ST6GALNAC2: variants seen among roughly 807,000 people sequenced by gnomAD.
The protein encoded by ST6GALNAC2 is ST6 N-acetylgalactosaminide alpha-2,6-sialyltransferase 2.
A neutral mutation model predicts 38.7 loss-of-function variants in ST6GALNAC2; 42 were observed. The observed-to-expected ratio is 1.09, with a 90% confidence interval of 0.85 to 1.40. ST6GALNAC2 has a LOEUF of 1.40. ST6GALNAC2 is among the 40% of genes most tolerant of loss of function. The pLI is 0.00. For missense variants in ST6GALNAC2, 506 were observed against 481.7 expected, an observed-to-expected ratio of 1.05 and a Z score of -0.47; for synonymous variants, 233 against 209.0, an observed-to-expected ratio of 1.11 and a Z score of -0.99.
intron 2 of ST6GALNAC2, among the ~76,000 whole-genome samples, chr17:76,576,845 C>G (rs1474905868): frequency 2.0e-5 from 3 of 151,634 alleles, no homozygotes; most frequent in Non-Finnish European, 4.4e-5. Context: ...TGGCACATCC[C>G]TGTAATTCCA....
At chr17:76,567,655 C>T (rs1248765612) in intron 7 of ST6GALNAC2, 103 bp from the exon 8 acceptor site, 4 of 730,734 alleles carry the variant, frequency 5.5e-6, no homozygotes, top group African/African-American at 5.2e-5. Flanking sequence ...AACTGAGGGC[C>T]TTCTACTCCA....
Position 76,572,745 on chromosome 17 carries a change from C to T in ST6GALNAC2, c.561G>A (p.Glu187=), listed in dbSNP as rs371126021. 42 of 1,614,202 alleles carry T rather than the reference C, an allele frequency of 2.6e-5. No individual in the cohort carries two copies. The African/African-American group carries it at 5.5e-4, about 21-fold the overall frequency. Residue 187 remains glutamate, a synonymous_variant, in exon 5 of 9, where the codon GAG becomes GAA. Coordinates refer to ENST00000225276, the MANE Select transcript of ST6GALNAC2 (RefSeq NM_006456.3). ...AGGAAGTCTTGGTGCCCACATCGCG[C>T]TCGAAGCCTTTGATCACAGCTCCAT... ...RLNGAVIKGF[E]RDVGTKTSFY... is the part of the protein sequence containing the mutation.
rs2075389922 is a variant in ST6GALNAC2, at chr17:76,574,468, G to A, written c.258C>T (p.Leu86=). 1.2e-6 allele frequency: 2 copies of A among 1,613,888 alleles called. No individual in the cohort carries two copies. Among genetic ancestry groups the A allele is most frequent in the Non-Finnish European group, 1.7e-6 (2 of 1,179,956 alleles). The change falls in exon 3 of 9, where the codon CTC becomes CTT. Residue 86 remains leucine, a synonymous_variant. Coordinates refer to ENST00000225276, the MANE Select transcript of ST6GALNAC2 (RefSeq NM_006456.3). ...RHPHFRGLFN[L]SIPVLLWGDL... is the part of the protein sequence containing the mutation. ...CCCCCCACAGCAGCACTGGAATGGA[G>A]AGATTGAACAGGCCACGGAAGTGGG...
At position 76,568,711 on chromosome 17, in the gene ST6GALNAC2, A is replaced by G. The variant is rs2075314741; in HGVS notation, c.857+2T>C. On this transcript the variant is annotated splice_donor_variant, in intron 7 of 8. Transcript: ENST00000225276. LOFTEE classifies it high-confidence loss of function. The stretch of plus-strand genomic sequence containing the variant: ...CTGTTCTTCAGGCACCCCACTCCGT[A>G]CCTTTCTGTCAGGTAGCTGATGAAG... 1.9e-6 allele frequency: 3 copies of G among 1,613,624 alleles called. No individual in the cohort carries two copies. The highest frequency in any genetic ancestry group is 2.5e-6 in the Non-Finnish European group (3 of 1,179,936).
At position 76,566,445 on chromosome 17, in the gene ST6GALNAC2, C is replaced by T. The variant is rs112690167; in HGVS notation, c.958-174G>A. ...TGGATTCAGGGGTGACTCACTGTGT[C>T]CCCACTTGGCATAGCTGGTGATTGC... On this transcript the variant is annotated intron_variant, in intron 8 of 8. Transcript: ENST00000225276. Among the ~76,000 whole-genome samples the T allele has an allele frequency of 7.5e-4, 114 of 152,234 alleles. 2 individuals are homozygous for T. The highest frequency in any genetic ancestry group is 2.6e-3 in the African/African-American group (109 of 41,542).
rs2075366863 is a variant in ST6GALNAC2, at chr17:76,572,738, C to T, written c.568G>A (p.Val190Met). ...CCATAGAAGGAAGTCTTGGTGCCCA[C>T]ATCGCGCTCGAAGCCTTTGATCACA... ...GAVIKGFERD[V>M]GTKTSFYGFT... The change falls in exon 5 of 9, where the codon GTG (valine) becomes ATG (methionine). Residue 190 changes from valine to methionine, a missense_variant. Physicochemically the swap from Val to Met is conservative, Grantham distance 21. Transcript: ENST00000225276. 1.2e-6 allele frequency: 2 copies of T among 1,614,096 alleles called. No homozygotes were observed. Among genetic ancestry groups the T allele is most frequent in the African/African-American group, 2.7e-5 (2 of 74,946 alleles).
chr17:76,577,612 G>A (rs796687319), intron 2 of ST6GALNAC2, among the ~76,000 whole-genome samples: 18 of 133,858 alleles, frequency 1.3e-4, no homozygotes, highest in African/African-American at 5.2e-4. Flanking sequence ...GTTTCGCTCT[G>A]TCACTCACGG....
chr17:76,567,713 G>A (rs565443466), intron 7 of ST6GALNAC2, 161 bp from the exon 8 acceptor site: 40 of 564,188 alleles, frequency 7.1e-5, no homozygotes, highest in African/African-American at 6.4e-4. Context: ...AGATCTTTGA[G>A]ACCTTAGGTA....
chr17:76,576,822 TA>T (rs1233067208), intron 2 of ST6GALNAC2, among the ~76,000 whole-genome samples: 8 of 151,718 alleles, frequency 5.3e-5, no homozygotes, highest in Non-Finnish European at 1.0e-4. Flanking sequence ...AATACAAAAT[TA>T]GCCTGGTGTG....
intron 6 of ST6GALNAC2, chr17:76,569,771 C>CGG (rs3837795): frequency 4.7e-6 from 1 of 212,034 alleles, no homozygotes; most frequent in Non-Finnish European, 9.0e-6. Flanking sequence ...AATCACCAAG[C>CGG]GGGGGTGGGG....
rs1452305034 is a variant in ST6GALNAC2, at chr17:76,566,067, C to CA, written c.*36dup. On this transcript the variant is annotated 3_prime_UTR_variant, in exon 9 of 9. Coordinates refer to ENST00000225276, the MANE Select transcript of ST6GALNAC2 (RefSeq NM_006456.3). ...TGGCCACTTGAGAGGATCAGGGCCG[C>CA]AACTCTTGAAGAAGCAAAGGGCTCA... is the stretch of plus-strand genomic sequence containing the variant. The CA allele has an allele frequency of 8.8e-6, 14 of 1,587,892 alleles. No individual in the cohort carries two copies. The highest frequency in any genetic ancestry group is 1.4e-5 in the African/African-American group (1 of 73,644).
chr17:76,575,811 A>G (rs554045806), intron 2 of ST6GALNAC2, among the ~76,000 whole-genome samples: 4 of 152,342 alleles, frequency 2.6e-5, no homozygotes, highest in Non-Finnish European at 4.4e-5. Flanking sequence ...TGGGCCTTCT[A>G]TTACTCCTGA....
chr17:76,581,314 T>C (rs1170049873), intron 1 of ST6GALNAC2, among the ~76,000 whole-genome samples: 1 of 151,964 alleles, frequency 6.6e-6, no homozygotes, highest in Non-Finnish European at 1.5e-5. Flanking sequence ...AGGACGGTGG[T>C]GCTCAGCCTA....
At position 76,573,788 on chromosome 17, in the gene ST6GALNAC2, C is replaced by T. The variant is rs373387443; in HGVS notation, c.362-425G>A. Among the ~76,000 whole-genome samples the T allele has an allele frequency of 3.0e-4, 45 of 152,106 alleles. No individual in the cohort carries two copies. The East Asian group carries it at 7.7e-3, about 26-fold the overall frequency. On this transcript the variant is annotated intron_variant, in intron 3 of 8. Coordinates refer to ENST00000225276, the MANE Select transcript of ST6GALNAC2 (RefSeq NM_006456.3). This position sits in a 1 kb window ranked among gnomAD's most constrained non-coding sequence, Gnocchi z 5.1. ...ATTAAAAATACAAAAATTAGCCAGG[C>T]GTGGTGGTGCGTGCCTAATCCCAGC...
rs527919778 is a variant in ST6GALNAC2, at chr17:76,566,067, C to G, written c.*37G>C. The stretch of plus-strand genomic sequence containing the variant: ...TGGCCACTTGAGAGGATCAGGGCCG[C>G]AACTCTTGAAGAAGCAAAGGGCTCA... On this transcript the variant is annotated 3_prime_UTR_variant, in exon 9 of 9. Transcript: ENST00000225276. 4.8e-5 allele frequency: 77 copies of G among 1,588,008 alleles called. No homozygotes were observed. The South Asian group carries it at 8.3e-4, about 17-fold the overall frequency.
Position 76,569,275 on chromosome 17 carries a change from C to G in ST6GALNAC2, c.774-479G>C, listed in dbSNP as rs528497841. On this transcript the variant is annotated intron_variant, in intron 6 of 8. Coordinates refer to ENST00000225276, the MANE Select transcript of ST6GALNAC2 (RefSeq NM_006456.3). ...ATAGGACGGGATGTTCTGAATTGGC[C>G]CGATATAGGAAGATGAGGTGGCAGG... The G allele has an allele frequency of 2.2e-5, 8 of 367,290 alleles. No homozygotes were observed. The East Asian group carries it at 3.0e-4, about 14-fold the overall frequency. 22.8% of individuals were successfully genotyped at this position (367,290 alleles called of 1,614,324 possible). A position where few individuals can be genotyped will look rare whatever the true frequency, so the allele number is the denominator to read the frequency against.
At position 76,573,407 on chromosome 17, in the gene ST6GALNAC2, G is replaced by T; in HGVS notation, c.362-44C>A. On this transcript the variant is annotated intron_variant, in intron 3 of 8. Transcript: ENST00000225276. This position sits in a 1 kb window ranked among gnomAD's most constrained non-coding sequence, Gnocchi z 5.1. Reference sequence around the variant, plus strand: ...AGCAGCCATGAGGAGGGCTGGCATCGGGGGCACCTGGGGCCTTCCCTAGGC... The same window carrying T: ...AGCAGCCATGAGGAGGGCTGGCATCTGGGGCACCTGGGGCCTTCCCTAGGC... 1 of 1,463,182 alleles carries T rather than the reference G, an allele frequency of 6.8e-7. No homozygotes were observed. Among genetic ancestry groups the T allele is most frequent in the Non-Finnish European group, 9.1e-7 (1 of 1,104,398 alleles). 90.6% of individuals were successfully genotyped at this position (1,463,182 alleles called of 1,614,324 possible).
At chr17:76,568,566 C>T (rs1278880860) in intron 7 of ST6GALNAC2, 147 bp downstream of exon 7, 4 of 702,512 alleles carry the variant, frequency 5.7e-6, no homozygotes, top group Non-Finnish European at 1.0e-5. Flanking sequence ...AATGAAGTGA[C>T]AGTGCTTTGC....
intron 1 of ST6GALNAC2, among the ~76,000 whole-genome samples, chr17:76,583,384 A>AAAAAAAAAAAAAG (rs1469333600): frequency 6.6e-6 from 1 of 151,192 alleles, no homozygotes; most frequent in East Asian, 1.9e-4. Context: ...CCAAAAAAAA[A>AAAAAAAAAAAAAG]AAGAAGATAA....
Sources: allele counts gnomAD v4.1 joint callset (sites outside exome capture counted in the v4.1 genomes callset), GRCh38; gene constraint gnomAD v4.1.1; non-coding constraint Gnocchi (gnomAD v3.1); transcripts MANE v1.5; gene names NCBI Gene and HGNC (gene_info 2026-07-23, HGNC 2026-07-21).